Variants in FSTL5 observed in about 807,000 individuals in gnomAD.
FSTL5 encodes the protein follistatin-related protein 5.
FSTL5 carries 62 observed loss-of-function variants against 89.1 expected under a neutral mutation model. The observed-to-expected ratio is 0.70, with a 90% confidence interval of 0.57 to 0.86. The LOEUF is 0.86. Ranked by LOEUF, FSTL5 falls within the 40% of genes least tolerant of loss-of-function variation. The pLI, the probability that FSTL5 is intolerant of heterozygous loss-of-function variation, is 0.00. For synonymous variants in FSTL5, 383 were observed against 346.2 expected (o/e 1.11, Z -1.18); for missense variants, 1,057 against 1,001.6 (o/e 1.06, Z -0.75).
At chr4:162,118,220 G>A (rs1385530287) in intron 1 of FSTL5, among the ~76,000 whole-genome samples, 1 of 151,692 alleles carries the variant, frequency 6.6e-6, no homozygotes, top group African/African-American at 2.4e-5. Context: ...CTCTGTGGTT[G>A]AATTCTAATT....
chr4:161,583,399 A>G (rs753592073), intron 8 of FSTL5, among the ~76,000 whole-genome samples: 1 of 152,168 alleles, frequency 6.6e-6, no homozygotes, highest in Non-Finnish European at 1.5e-5. Flanking sequence ...TAGATCTGCC[A>G]TCCCCAAACC....
chr4:161,662,578 T>A (rs144412422), intron 6 of FSTL5, among the ~76,000 whole-genome samples: 1 of 152,056 alleles, frequency 6.6e-6, no homozygotes, highest in African/African-American at 2.4e-5. Flanking sequence ...AGAAAAGAGA[T>A]TAAATGAAAC....
chr4:161,642,724 T>G (rs539750733), intron 7 of FSTL5, among the ~76,000 whole-genome samples: 1 of 152,302 alleles, frequency 6.6e-6, no homozygotes, highest in South Asian at 2.1e-4. Context: ...CTGTATAATT[T>G]TAGTCATATG....
In FSTL5 at chr4:161,894,584, C is replaced by T. The variant is rs190946579; in HGVS notation, c.409+25820G>A. Reference sequence around the variant, plus strand: ...GCAACTTCCACCTCCCAGGTTCAAGCGATTCTGCTTCAGCCTCTCCTGTAG... The same window carrying T: ...GCAACTTCCACCTCCCAGGTTCAAGTGATTCTGCTTCAGCCTCTCCTGTAG... On this transcript the variant is annotated intron_variant, in intron 4 of 15. Coordinates refer to ENST00000306100, the MANE Select transcript of FSTL5 (RefSeq NM_020116.5). 7.5e-4 allele frequency among the ~76,000 whole-genome samples: 114 copies of T among 152,226 alleles called. 3 individuals are homozygous for T. Among genetic ancestry groups the T allele is most frequent in the Admixed American group, 1.4e-3 (21 of 15,294 alleles).
chr4:161,697,437 C>A (rs1738208163), intron 6 of FSTL5, among the ~76,000 whole-genome samples: 1 of 152,006 alleles, frequency 6.6e-6, no homozygotes, highest in Non-Finnish European at 1.5e-5. Flanking sequence ...TTTTTCCAAG[C>A]TTATTTATTT....
At chr4:161,793,587 G>C (rs1275803658) in intron 4 of FSTL5, among the ~76,000 whole-genome samples, 2 of 140,352 alleles carry the variant, frequency 1.4e-5, no homozygotes, top group African/African-American at 5.4e-5. Flanking sequence ...GTCAAATAAG[G>C]TTGCTTTTGG....
chr4:161,543,332 G>A (rs1731896860), intron 8 of FSTL5, among the ~76,000 whole-genome samples: 1 of 151,816 alleles, frequency 6.6e-6, no homozygotes, highest in Non-Finnish European at 1.5e-5. Context: ...AGAATTGATT[G>A]GTAACATGGT....
intron 8 of FSTL5, among the ~76,000 whole-genome samples, chr4:161,559,719 A>G (rs531586261): frequency 1.3e-5 from 2 of 152,046 alleles, no homozygotes; most frequent in East Asian, 3.9e-4. Flanking sequence ...TAATATATAT[A>G]TCATATGCAT....
At chr4:161,683,787 G>T (rs1737608297) in intron 6 of FSTL5, among the ~76,000 whole-genome samples, 1 of 152,068 alleles carries the variant, frequency 6.6e-6, no homozygotes, top group South Asian at 2.1e-4. Context: ...AATGGGTGGT[G>T]TTTGGTTACA....
rs10024697 is a variant in FSTL5, at chr4:161,399,248, A to G, written c.1842-12799T>C. 6.2e-3 allele frequency among the ~76,000 whole-genome samples: 943 copies of G among 152,226 alleles called. 4 individuals are homozygous for G. The highest frequency in any genetic ancestry group is 0.021 in the African/African-American group (865 of 41,562). On this transcript the variant is annotated intron_variant, in intron 15 of 15. Coordinates refer to ENST00000306100, the MANE Select transcript of FSTL5 (RefSeq NM_020116.5). Reference sequence around the variant, plus strand: ...GTCATGAATGGTCAAAAACCTGCTCATAACTTTTCACTCCCCAGAAACGTA... The same window carrying G: ...GTCATGAATGGTCAAAAACCTGCTCGTAACTTTTCACTCCCCAGAAACGTA...
chr4:162,153,610 T>C (rs1260388766), intron 1 of FSTL5, among the ~76,000 whole-genome samples: 1 of 143,090 alleles, frequency 7.0e-6, no homozygotes, highest in African/African-American at 2.6e-5. Context: ...TGTGTATATA[T>C]ATGTATATTA....
intron 3 of FSTL5, among the ~76,000 whole-genome samples, chr4:161,978,076 T>C (rs1020502420): frequency 3.3e-5 from 5 of 152,228 alleles, no homozygotes; most frequent in African/African-American, 1.2e-4. Context: ...AACATCCAGA[T>C]GCAACTTACT....
intron 7 of FSTL5, among the ~76,000 whole-genome samples, chr4:161,604,942 A>T (rs998052685): frequency 6.6e-6 from 1 of 152,202 alleles, no homozygotes; most frequent in Non-Finnish European, 1.5e-5. Context: ...CTATGCTTAC[A>T]TATTATTGTA....
At chr4:161,580,173 A>T (rs1043095759) in intron 8 of FSTL5, among the ~76,000 whole-genome samples, 5 of 152,186 alleles carry the variant, frequency 3.3e-5, no homozygotes, top group Non-Finnish European at 7.3e-5. Flanking sequence ...GCCTCTGAAG[A>T]ACTCTATTGA....
chr4:161,923,693 T>G (rs1430768982), intron 3 of FSTL5, among the ~76,000 whole-genome samples: 2 of 151,778 alleles, frequency 1.3e-5, no homozygotes, highest in Non-Finnish European at 2.9e-5. Context: ...CAGTGAAATT[T>G]TCCAATTTTT....
intron 1 of FSTL5, among the ~76,000 whole-genome samples, chr4:162,137,321 A>C (rs562667740): frequency 6.6e-6 from 1 of 152,200 alleles, no homozygotes; most frequent in African/African-American, 2.4e-5. Flanking sequence ...ACATATTAAA[A>C]ATCTAAAGAC....
chr4:161,386,335 C>T lies in FSTL5; in HGVS notation c.1956G>A (p.Leu652=). The T allele has an allele frequency of 1.2e-6, 2 of 1,613,862 alleles. No homozygotes were observed. The highest frequency in any genetic ancestry group is 1.1e-5 in the South Asian group (1 of 91,068). The change falls in exon 16 of 16, where the codon TTG becomes TTA. Residue 652 remains leucine (L), a synonymous_variant. Coordinates refer to ENST00000306100, the MANE Select transcript of FSTL5 (RefSeq NM_020116.5). ...AGTAGCCTCCCAAGTGTGTATATGC[C>T]AATGACTGAGGAACGCACTTATAGT... ...LKDYKCVPQS[L]AYTHLGGYYF...
At chr4:162,014,591 T>C (rs927825168) in intron 3 of FSTL5, among the ~76,000 whole-genome samples, 3 of 152,204 alleles carry the variant, frequency 2.0e-5, no homozygotes, top group African/African-American at 2.4e-5. Context: ...AAAAGGGATA[T>C]GATAGAAAGG....
At chr4:161,679,550 T>C (rs1349651353) in intron 6 of FSTL5, among the ~76,000 whole-genome samples, 1 of 151,760 alleles carries the variant, frequency 6.6e-6, no homozygotes, top group East Asian at 1.9e-4. Flanking sequence ...GGCTCTTGTA[T>C]TGGAAAAGGG....
Sources: allele counts gnomAD v4.1 joint callset (sites outside exome capture counted in the v4.1 genomes callset), GRCh38; gene constraint gnomAD v4.1.1; transcripts MANE v1.5; gene names NCBI Gene and HGNC (gene_info 2026-07-23, HGNC 2026-07-21).